The following ZNF578 variants were observed in gnomAD, a reference collection of about 807,000 sequenced individuals.
ZNF578 encodes Putative chemokine-related protein B42.
A neutral mutation model predicts 8.3 loss-of-function variants in ZNF578; 8 were observed. The observed-to-expected ratio is 0.96, with a 90% CI of 0.56 to 1.74. ZNF578 has a LOEUF of 1.74. ZNF578 is among the 40% of genes most tolerant of loss of function. The pLI, the probability that ZNF578 is intolerant of heterozygous loss-of-function variation, is 0.00. For missense variants in ZNF578, 726 were observed against 707.5 expected (o/e 1.03, Z -0.30); for synonymous variants, 206 against 232.2 (o/e 0.89, Z 1.03).
chr19:52,489,213 G>T (rs1267111650), intron 2 of ZNF578, among the ~76,000 whole-genome samples: 1 of 151,866 alleles, frequency 6.6e-6, no homozygotes, highest in African/African-American at 2.4e-5. Flanking sequence ...TGCCACAATA[G>T]TGCAGCCTGA....
At chr19:52,506,468 T>TC (rs1175664921) in intron 5 of ZNF578, among the ~76,000 whole-genome samples, 2 of 110,646 alleles carry the variant, frequency 1.8e-5, no homozygotes, top group African/African-American at 8.5e-5. Context: ...GTTTCTTTTT[T>TC]TTTTTTTTTT....
At chr19:52,459,088 A>G (rs558246843) in intron 2 of ZNF578, among the ~76,000 whole-genome samples, 2 of 152,204 alleles carry the variant, frequency 1.3e-5, no homozygotes, top group Non-Finnish European at 2.9e-5. Flanking sequence ...TGCTAATAAG[A>G]ATTGGGTTTT....
chr19:52,482,853 C>T (rs7260035), intron 2 of ZNF578, among the ~76,000 whole-genome samples: 1 of 148,844 alleles, frequency 6.7e-6, no homozygotes, highest in Non-Finnish European at 1.5e-5. Flanking sequence ...AGGAGAATTA[C>T]TTGGACCTGG....
At chr19:52,461,224 G>A (rs1289377695) in intron 2 of ZNF578, among the ~76,000 whole-genome samples, 1 of 152,082 alleles carries the variant, frequency 6.6e-6, no homozygotes, top group African/African-American at 2.4e-5. Context: ...TTTTCCCAAT[G>A]ATGTTCAGTA....
At chr19:52,478,296 C>T (rs982295604) in intron 2 of ZNF578, among the ~76,000 whole-genome samples, 1 of 152,182 alleles carries the variant, frequency 6.6e-6, no homozygotes, top group African/African-American at 2.4e-5. Flanking sequence ...CCTTCAACAA[C>T]TTAAACTCTA....
chr19:52,469,858 T>C (rs56796910), intron 2 of ZNF578, among the ~76,000 whole-genome samples: 32,072 of 152,028 alleles, frequency 0.21, 3,617 homozygotes, highest in East Asian at 0.37. Context: ...GTGCGACTGT[T>C]TTGTAGACAA....
chr19:52,511,657 C>A lies in ZNF578; in HGVS notation c.1276C>A (p.Pro426Thr). The A allele has an allele frequency of 6.2e-7, 1 of 1,613,914 alleles. No individual in the cohort carries two copies. Among genetic ancestry groups the A allele is most frequent in the Non-Finnish European group, 8.5e-7 (1 of 1,179,938 alleles). Residue 426 changes from proline to threonine, a missense_variant, in exon 6 of 6, where the codon CCT (proline) becomes ACT (threonine). By Grantham distance (38) the Pro-to-Thr change is conservative. Coordinates refer to ENST00000421239, the MANE Select transcript of ZNF578 (RefSeq NM_001099694.2). Reference sequence around the variant, plus strand: ...TCATAGACTTCATACTGGAGAGAAACCTTACAAGTGTAATGACTGTGGTAA... The same window carrying A: ...TCATAGACTTCATACTGGAGAGAAAACTTACAAGTGTAATGACTGTGGTAA... Reference protein sequence around the residue: ...RHHRLHTGEKPYKCNDCGKAF... With the variant: ...RHHRLHTGEKTYKCNDCGKAF...
At chr19:52,461,003 G>A (rs972695415) in intron 2 of ZNF578, among the ~76,000 whole-genome samples, 4 of 152,072 alleles carry the variant, frequency 2.6e-5, no homozygotes, top group East Asian at 3.9e-4. Flanking sequence ...AGCATAAACC[G>A]ATACACATTA....
chr19:52,454,073 C>T (rs1192279684), intron 1 of ZNF578: 1 of 152,248 alleles, frequency 6.6e-6, no homozygotes, highest in Non-Finnish European at 1.5e-5. Context: ...TTGTGTTCCC[C>T]AGGTTTCCCC....
rs1482230969 is a variant in ZNF578 at position 52,516,327 on chromosome 19, G to T, written c.*4173G>T. Among the ~76,000 whole-genome samples, 1 of 152,188 alleles carries T rather than the reference G, an allele frequency of 6.6e-6. No homozygotes were observed. ...GGGGTTTCCTCAACTTTAGGTCTGT[G>T]CCCTGAAGGGGAGCTCATTCCAGCC... On this transcript the variant is annotated 3_prime_UTR_variant, in exon 6 of 6. Coordinates refer to ENST00000421239, the MANE Select transcript of ZNF578 (RefSeq NM_001099694.2).
intron 2 of ZNF578, among the ~76,000 whole-genome samples, chr19:52,486,313 A>G (rs573358653): frequency 1.3e-5 from 2 of 152,208 alleles, no homozygotes; most frequent in East Asian, 1.9e-4. Flanking sequence ...GAGATGGTAG[A>G]GATAGTGATC....
rs963738932 is a variant in ZNF578, at chr19:52,516,791, T to C, written c.*4637T>C. Among the ~76,000 whole-genome samples the C allele has an allele frequency of 1.3e-5, 2 of 152,142 alleles. No homozygotes were observed. Among genetic ancestry groups the C allele is most frequent in the African/African-American group, 4.8e-5 (2 of 41,448 alleles). ...CGCCTGTCCCAAAAGCTACAAGAAC[T>C]AATGATAATCCCACCATACTTTGCT... On this transcript the variant is annotated 3_prime_UTR_variant, in exon 6 of 6. Coordinates refer to ENST00000421239, the MANE Select transcript of ZNF578 (RefSeq NM_001099694.2).
At chr19:52,497,099 T>A (rs2617799) in intron 3 of ZNF578, among the ~76,000 whole-genome samples, 30,686 of 151,276 alleles carry the variant, frequency 0.2, 3,262 homozygotes, top group Non-Finnish European at 0.23. Context: ...GGCCTGGCTA[T>A]TGTTTAGATA....
intron 3 of ZNF578, among the ~76,000 whole-genome samples, chr19:52,499,820 G>C (rs1427049079): frequency 5.3e-5 from 8 of 151,772 alleles, no homozygotes; most frequent in African/African-American, 1.9e-4. Flanking sequence ...CGAGTAGCTG[G>C]GATCACAATC....
intron 5 of ZNF578, among the ~76,000 whole-genome samples, chr19:52,505,093 G>A: frequency 6.6e-6 from 1 of 152,124 alleles, no homozygotes. Flanking sequence ...CTCCATGTTG[G>A]TCAGGCTCGT....
chr19:52,498,396 A>G lies in ZNF578; in HGVS notation c.-19-3431A>G, dbSNP rs548882378. Among the ~76,000 whole-genome samples the G allele has an allele frequency of 1.4e-4, 20 of 147,014 alleles. 1 individual carries two copies. Among genetic ancestry groups the G allele is most frequent in the South Asian group, 1.1e-3 (5 of 4,678 alleles). On this transcript the variant is annotated intron_variant, in intron 3 of 5. Coordinates refer to ENST00000421239, the MANE Select transcript of ZNF578 (RefSeq NM_001099694.2). ...GCCCAGGAGGGAGTGCAGTGGCGCA[A>G]TCTCCTCTCACTGCAAGCTCTGCCT...
intron 3 of ZNF578, 78 bp from the exon 4 acceptor site, chr19:52,501,749 T>TC: frequency 6.8e-7 from 1 of 1,471,402 alleles, no homozygotes; most frequent in East Asian, 2.3e-5. Flanking sequence ...GGGTGATGTC[T>TC]CCCCGTTCCT....
intron 5 of ZNF578, among the ~76,000 whole-genome samples, chr19:52,508,848 C>T (rs1157998750): frequency 2.7e-5 from 4 of 146,962 alleles, no homozygotes; most frequent in Non-Finnish European, 6.0e-5. Context: ...ACGAACATAA[C>T]TGTAGTTGTG....
At position 52,510,604 on chromosome 19, in the gene ZNF578, T is replaced by C. The variant is rs2059440956; in HGVS notation, c.223T>C (p.Leu75=). 1 of 1,555,020 alleles carries C rather than the reference T, an allele frequency of 6.4e-7. No individual in the cohort carries two copies. The highest frequency in any genetic ancestry group is 1.2e-5 in the South Asian group (1 of 81,472). The part of the protein sequence containing the change: ...ISSKRMMKEV[L]STGQGNTEVI... ...TTCCAAACGCATGATGAAGGAGGTC[T>C]TGTCAACAGGGCAAGGCAATACAGA... Residue 75 remains leucine, a synonymous_variant, in exon 6 of 6, where the codon TTG becomes CTG. Coordinates refer to ENST00000421239, the MANE Select transcript of ZNF578 (RefSeq NM_001099694.2).
Sources: allele counts gnomAD v4.1 joint callset (sites outside exome capture counted in the v4.1 genomes callset), GRCh38; gene constraint gnomAD v4.1.1; transcripts MANE v1.5; gene names NCBI Gene and HGNC (gene_info 2026-07-23, HGNC 2026-07-21).